SORCS1: variants seen among roughly 807,000 people sequenced by gnomAD.
SORCS1 encodes sortilin related VPS10 domain containing receptor 1.
A neutral mutation model predicts 146.1 loss-of-function variants in SORCS1; 60 were observed. The ratio of observed to expected loss-of-function variants is 0.41; its 90% CI spans 0.33 to 0.51. SORCS1 has a LOEUF of 0.51. Among genes scored for constraint, SORCS1 ranks in the 20% least tolerant of loss-of-function variants. The pLI is 0.21. For synonymous variants in SORCS1, 637 were observed against 584.0 expected (o/e 1.09, Z -1.31); for missense variants, 1,352 against 1,487.6 (o/e 0.91, Z 1.50).
chr10:106,812,176 A>G (rs1257990449), intron 3 of SORCS1, among the ~76,000 whole-genome samples: 3 of 151,854 alleles, frequency 2.0e-5, no homozygotes, highest in Non-Finnish European at 2.9e-5. Context: ...AATTTTTTGT[A>G]TTTTTAGTAG....
intron 2 of SORCS1, among the ~76,000 whole-genome samples, chr10:106,883,692 C>T (rs1419021676): frequency 1.3e-5 from 2 of 152,290 alleles, no homozygotes; most frequent in South Asian, 2.1e-4. Flanking sequence ...GGATTACAGG[C>T]GTGAGCCACC....
intron 23 of SORCS1, among the ~76,000 whole-genome samples, chr10:106,604,013 G>T (rs943763441): frequency 2.0e-5 from 3 of 152,108 alleles, no homozygotes. Context: ...TGCAACTCTC[G>T]CTGGTGCAAT....
At chr10:106,738,018 C>CT (rs1161348809) in intron 5 of SORCS1, among the ~76,000 whole-genome samples, 2 of 143,150 alleles carry the variant, frequency 1.4e-5, no homozygotes, top group Admixed American at 6.8e-5. Context: ...AGATAAATCT[C>CT]TAACTATTTT....
At chr10:106,773,468 C>G (rs1282056437) in intron 4 of SORCS1, among the ~76,000 whole-genome samples, 1 of 152,178 alleles carries the variant, frequency 6.6e-6, no homozygotes, top group Admixed American at 6.5e-5. Context: ...AGCGAATGCC[C>G]CACTCCCTAT....
chr10:107,173,970 T>C, the SORCS1 span, among the ~76,000 whole-genome samples: 40 of 152,336 alleles, frequency 2.6e-4, no homozygotes, highest in Admixed American at 9.1e-4. Context: ...AAACCTGATA[T>C]GAAGTCCCTT....
chr10:106,673,286 C>T (rs1851749326), intron 14 of SORCS1, among the ~76,000 whole-genome samples: 1 of 152,008 alleles, frequency 6.6e-6, no homozygotes, highest in Non-Finnish European at 1.5e-5. Context: ...CACGAGCCAC[C>T]ACACCAAGCT....
At chr10:107,053,721 A>G (rs1484943406) in intron 1 of SORCS1, among the ~76,000 whole-genome samples, 1 of 152,206 alleles carries the variant, frequency 6.6e-6, no homozygotes, top group African/African-American at 2.4e-5. Context: ...AATACGTTTC[A>G]TTATAAATAC....
intron 2 of SORCS1, among the ~76,000 whole-genome samples, chr10:106,860,293 G>A (rs1157969048): frequency 6.6e-6 from 1 of 152,144 alleles, no homozygotes; most frequent in Admixed American, 6.5e-5. Context: ...TTAGCTTTGT[G>A]ACATGTTCTA....
At chr10:106,923,064 T>C (rs556584333) in intron 2 of SORCS1, among the ~76,000 whole-genome samples, 1 of 152,130 alleles carries the variant, frequency 6.6e-6, no homozygotes, top group Non-Finnish European at 1.5e-5. Context: ...CTAATTTTTG[T>C]ACTTTTAGTA....
chr10:106,595,327 G>A (rs932597723), intron 24 of SORCS1, among the ~76,000 whole-genome samples: 3 of 152,162 alleles, frequency 2.0e-5, no homozygotes, highest in Non-Finnish European at 4.4e-5. Context: ...ATGTGTTAGG[G>A]TGAAAAGATG....
At chr10:107,158,239 G>C (rs1427953560) in intron 1 of SORCS1, among the ~76,000 whole-genome samples, 1 of 152,018 alleles carries the variant, frequency 6.6e-6, no homozygotes, top group Non-Finnish European at 1.5e-5. Context: ...TACTGGGCTT[G>C]GAATGTACCC....
At chr10:107,070,494 A>T (rs1372623462) in intron 1 of SORCS1, among the ~76,000 whole-genome samples, 2 of 152,214 alleles carry the variant, frequency 1.3e-5, no homozygotes, top group Non-Finnish European at 2.9e-5. Flanking sequence ...AGAATTTAAA[A>T]GCTAAGTGTC....
intron 17 of SORCS1, among the ~76,000 whole-genome samples, chr10:106,662,137 T>C (rs984723669): frequency 6.6e-6 from 1 of 152,196 alleles, no homozygotes. Flanking sequence ...CACTTCTACA[T>C]AGTAAAGATG....
chr10:107,089,725 T>C (rs1964039591), intron 1 of SORCS1, among the ~76,000 whole-genome samples: 1 of 152,202 alleles, frequency 6.6e-6, no homozygotes, highest in Non-Finnish European at 1.5e-5. Context: ...AAACAGGTTA[T>C]TCCAGGTGTA....
At chr10:107,160,744 C>T (rs766891971) in intron 1 of SORCS1, among the ~76,000 whole-genome samples, 20 of 152,146 alleles carry the variant, frequency 1.3e-4, no homozygotes, top group African/African-American at 3.9e-4. Context: ...TATTAACACC[C>T]GTCACCTACT....
chr10:106,762,010 G>A (rs1358590335), intron 4 of SORCS1, among the ~76,000 whole-genome samples: 1 of 152,232 alleles, frequency 6.6e-6, no homozygotes, highest in Non-Finnish European at 1.5e-5. Flanking sequence ...AGCATTGTGG[G>A]TGATGCAAAG....
At chr10:106,591,187 T>A (rs535291953) in intron 24 of SORCS1, among the ~76,000 whole-genome samples, 24 of 152,308 alleles carry the variant, frequency 1.6e-4, no homozygotes, top group African/African-American at 5.8e-4. Context: ...GACCAGTGAT[T>A]CAGTCTCTTT....
In SORCS1 at chr10:106,747,420, T is replaced by A. The variant is rs181307019; in HGVS notation, c.959+14168A>T. On this transcript the variant is annotated intron_variant, in intron 5 of 25. Coordinates refer to ENST00000263054, the MANE Select transcript of SORCS1 (RefSeq NM_052918.5). ...TTCCTGCAAGTCATAGGGGGTCAGATGAGATGTCTTCTAAGTTATCTTTGA... is the reference window on the plus strand; with the variant it reads ...TTCCTGCAAGTCATAGGGGGTCAGAAGAGATGTCTTCTAAGTTATCTTTGA... Among the ~76,000 whole-genome samples, 278 of 152,208 alleles carry A rather than the reference T, an allele frequency of 1.8e-3. 2 individuals are homozygous for A. The highest frequency in any genetic ancestry group is 6.4e-3 in the African/African-American group (266 of 41,558).
At chr10:107,108,133 C>T (rs1300798167) in intron 1 of SORCS1, among the ~76,000 whole-genome samples, 1 of 152,162 alleles carries the variant, frequency 6.6e-6, no homozygotes, top group Non-Finnish European at 1.5e-5. Flanking sequence ...AGCAATCCTA[C>T]ATGCCCAGGC....
Sources: gnomAD v4.1 joint callset for allele counts (sites outside exome capture counted in the v4.1 genomes callset) on GRCh38, gnomAD v4.1.1 for gene constraint, MANE v1.5 for transcripts, NCBI Gene and HGNC (gene_info 2026-07-23, HGNC 2026-07-21) for gene names.